The following RGS14 variants were observed in gnomAD, a reference collection of about 807,000 sequenced individuals.
RGS14 encodes regulator of G-protein signaling 14.
A neutral mutation model predicts 63.8 loss-of-function variants in RGS14; 33 were observed. That is an observed-to-expected ratio of 0.52 (90% CI 0.39 to 0.69). The LOEUF (loss-of-function observed/expected upper bound fraction) is 0.69. Among genes scored for constraint, RGS14 ranks in the 30% least tolerant of loss-of-function variants. RGS14 has a pLI of 0.00. For synonymous variants in RGS14, 296 were observed against 320.9 expected, an observed-to-expected ratio of 0.92 and a Z score of 0.83; for missense variants, 739 against 742.9, an observed-to-expected ratio of 0.99 and a Z score of 0.06.
Position 177,368,177 on chromosome 5 carries a change from G to A in RGS14, c.760G>A (p.Ala254Thr). ...FRRELGGTANAALRRESQGSL... is the reference protein window; with the variant it reads ...FRRELGGTANTALRRESQGSL... ...ACTAGAGCTGGGCGGGACTGCAAAC[G>A]CCGCCTTGCGCCGAGAGTCTCAGGG... Residue 254 changes from alanine (A) to threonine (T), a missense_variant, in exon 8 of 15, where the codon GCC (alanine) becomes ACC (threonine). Coordinates refer to ENST00000408923, the MANE Select transcript of RGS14 (RefSeq NM_006480.5). The A allele has an allele frequency of 6.2e-7, 1 of 1,613,574 alleles. No individual in the cohort carries two copies.
Position 177,371,006 on chromosome 5 carries a change from G to A in RGS14, c.1229G>A (p.Ser410Asn). Residue 410 changes from serine (S) to asparagine (N), a missense_variant, in exon 11 of 15, where the codon AGC (serine) becomes AAC (asparagine). Physicochemically the swap from Ser to Asn is conservative, Grantham distance 46 (BLOSUM62 1). Coordinates refer to ENST00000408923, the MANE Select transcript of RGS14 (RefSeq NM_006480.5). This position sits in a 1 kb window ranked among gnomAD's most constrained non-coding sequence, Gnocchi z 6.1. The part of the protein sequence containing the change: ...LQPILEKHGL[S>N]PLEVVLHRPG... The stretch of plus-strand genomic sequence containing the variant: ...CCCATTCTGGAGAAGCACGGCTTGA[G>A]CCCGCTAGAGGTGGTGCTGCACCGG... 1 of 1,599,538 alleles carries A rather than the reference G, an allele frequency of 6.3e-7. No individual in the cohort carries two copies. The highest frequency in any genetic ancestry group is 1.1e-5 in the South Asian group (1 of 90,614).
chr5:177,367,919 G>GT, intron 7 of RGS14, 94 bp downstream of exon 7: 1 of 1,445,140 alleles, frequency 6.9e-7, no homozygotes, highest in Non-Finnish European at 9.1e-7. Flanking sequence ...CCCACAGTCT[G>GT]TAAGTCTGTG....
At chr5:177,367,316 G>A (rs900251389) in intron 5 of RGS14, 98 bp from the exon 6 acceptor site, 1 of 1,446,708 alleles carries the variant, frequency 6.9e-7, no homozygotes, top group Non-Finnish European at 9.3e-7. Context: ...CCAGCCCTAG[G>A]TTTGGGGCGG....
intron 3 of RGS14, 89 bp downstream of exon 3, chr5:177,366,444 G>A: frequency 8.2e-7 from 1 of 1,212,340 alleles, no homozygotes; most frequent in Non-Finnish European, 1.1e-6. Flanking sequence ...GGGGTCCTCT[G>A]TCAGCTTCCT....
Position 177,367,806 on chromosome 5 carries a change from C to T in RGS14, c.720C>T (p.Leu240=), listed in dbSNP as rs895344013. The T allele has an allele frequency of 6.3e-7, 1 of 1,598,794 alleles. No homozygotes were observed. The highest frequency in any genetic ancestry group is 8.5e-7 in the Non-Finnish European group (1 of 1,172,104). ...PPVEGPGGRP[L]RKSFRRELGG... is the part of the protein sequence containing the mutation. ...TTGAGGGTCCTGGGGGCCGCCCTCTCCGCAAGTCCTTCCGCCGGGGTGAGG... is the reference window on the plus strand; with the variant it reads ...TTGAGGGTCCTGGGGGCCGCCCTCTTCGCAAGTCCTTCCGCCGGGGTGAGG... The change falls in exon 7 of 15, where the codon CTC becomes CTT. Residue 240 remains leucine, a synonymous_variant. Transcript: ENST00000408923.
chr5:177,368,076 G>A (rs753084926), intron 7 of RGS14, 81 bp from the exon 8 acceptor site: 2 of 1,553,354 alleles, frequency 1.3e-6, no homozygotes, highest in Admixed American at 1.8e-5. Flanking sequence ...TCCAAACAAG[G>A]CCCACCAGTG....
rs769742556 is a variant in RGS14 at position 177,372,210 on chromosome 5, C to T, written c.*135C>T. ...CCATGGGCAGGCCCGCAGGAAGAGC[C>T]GGTAGGGGTGGAAAGGGGACTCAGA... On this transcript the variant is annotated 3_prime_UTR_variant, in exon 15 of 15. Coordinates refer to ENST00000408923, the MANE Select transcript of RGS14 (RefSeq NM_006480.5). The T allele has an allele frequency of 2.9e-5, 25 of 876,072 alleles. No individual in the cohort carries two copies. Among genetic ancestry groups the T allele is most frequent in the African/African-American group, 8.4e-5 (5 of 59,348 alleles). The allele number at this position is 876,072 out of a possible 1,614,324, so 54.3% of individuals were successfully genotyped here. A position where few individuals can be genotyped will look rare whatever the true frequency, so the allele number is the denominator to read the frequency against.
intron 2 of RGS14, 37 bp from the exon 3 acceptor site, chr5:177,366,140 C>T (rs1361618296): frequency 6.2e-7 from 1 of 1,600,028 alleles, no homozygotes. Context: ...CTGGGGAAGG[C>T]AGCAAGGCTC....
Position 177,372,135 on chromosome 5 carries a change from TC to T in RGS14, c.*62del. On this transcript the variant is annotated 3_prime_UTR_variant, in exon 15 of 15. Transcript: ENST00000408923. ...CCCGGCGGGCCGAGCATGCCATGGG[TC>T]CGCTCTGCATGCCCTGTCTGTGCCA... The T allele has an allele frequency of 6.7e-7, 1 of 1,484,474 alleles. No individual in the cohort carries two copies. The highest frequency in any genetic ancestry group is 9.3e-7 in the Non-Finnish European group (1 of 1,075,010). The allele number at this position is 1,484,474 out of a possible 1,614,324, so 92.0% of individuals were successfully genotyped here. A position where few individuals can be genotyped will look rare whatever the true frequency, so the allele number is the denominator to read the frequency against.
Position 177,366,748 on chromosome 5 carries a change from TC to T in RGS14, c.288del (p.Trp97GlyfsTer18). 9 of 1,614,118 alleles carry T rather than the reference TC, an allele frequency of 5.6e-6. No homozygotes were observed. The highest frequency in any genetic ancestry group is 7.6e-6 in the Non-Finnish European group (9 of 1,180,012). ...GAGTTCAGCGCGGAAAACGTGACTTTCTGGAAGGCCTGCGAGCGCTTCCAGC... is the reference window on the plus strand; with the variant it reads ...GAGTTCAGCGCGGAAAACGTGACTTTTGGAAGGCCTGCGAGCGCTTCCAGC... Reference protein sequence around the residue: ...KKEFSAENVTFWKACERFQQI... With the variant: ...KKEFSAENVTXWKACERFQQI... On this transcript the variant is annotated frameshift_variant, in exon 4 of 15. Transcript: ENST00000408923. LOFTEE classifies it high-confidence loss of function.
chr5:177,370,952 C>T lies in RGS14; in HGVS notation c.1175C>T (p.Pro392Leu), dbSNP rs746670449. ...LERVVRISAK[P>L]TKRLQEALQP... is the part of the protein sequence containing the mutation. ...CGCGTGGTACGAATCTCAGCCAAGC[C>T]CACCAAGCGGCTGCAGGAGGCGCTG... is the stretch of plus-strand genomic sequence containing the variant. The change falls in exon 11 of 15, where the codon CCC becomes CTC. Residue 392 changes from proline to leucine, a missense_variant. Transcript: ENST00000408923. 6.2e-7 allele frequency: 1 copy of T among 1,608,350 alleles called. No homozygotes were observed. Among genetic ancestry groups the T allele is most frequent in the Non-Finnish European group, 8.5e-7 (1 of 1,179,692 alleles).
intron 10 of RGS14, 119 bp downstream of exon 10, chr5:177,370,783 C>T (rs1762221499): frequency 6.0e-6 from 9 of 1,502,180 alleles, no homozygotes; most frequent in South Asian, 6.0e-5. Flanking sequence ...GGGACAAACC[C>T]CGCCCCCTAC....
intron 1 of RGS14, among the ~76,000 whole-genome samples, chr5:177,361,055 G>A (rs1490867709): frequency 6.6e-6 from 1 of 152,214 alleles, no homozygotes; most frequent in Non-Finnish European, 1.5e-5. Context: ...GGGGCAGTTA[G>A]CCTGTCCTGT....
At position 177,364,401 on chromosome 5, in the gene RGS14, G is replaced by A. The variant is rs1049481558; in HGVS notation, c.46-1562G>A. ...GCTGGTTTGGTACTGTGTTTTGGTG[G>A]AGGCAGAGGGAGCTTCCATTTGGGA... On this transcript the variant is annotated intron_variant, in intron 1 of 14. Transcript: ENST00000408923. The surrounding 1 kb of genome is among the most constrained non-coding windows in gnomAD (Gnocchi z 4.6). Among the ~76,000 whole-genome samples, 4 of 152,170 alleles carry A rather than the reference G, an allele frequency of 2.6e-5. No homozygotes were observed. The highest frequency in any genetic ancestry group is 2.6e-4 in the Admixed American group (4 of 15,278).
At position 177,372,178 on chromosome 5, in the gene RGS14, C is replaced by T. The variant is rs2127339292; in HGVS notation, c.*103C>T. On this transcript the variant is annotated 3_prime_UTR_variant, in exon 15 of 15. Transcript: ENST00000408923. ...TCTGTGCCATGAGTGTCCCTGGCCC[C>T]TTCCTGCCATGGGCAGGCCCGCAGG... The T allele has an allele frequency of 2.5e-6, 3 of 1,203,672 alleles. No homozygotes were observed. Among genetic ancestry groups the T allele is most frequent in the Non-Finnish European group, 3.5e-6 (3 of 848,656 alleles). 74.6% of individuals were successfully genotyped at this position (1,203,672 alleles called of 1,614,324 possible).
At chr5:177,360,642 A>G (rs1243866560) in intron 1 of RGS14, among the ~76,000 whole-genome samples, 1 of 150,420 alleles carries the variant, frequency 6.6e-6, no homozygotes, top group Non-Finnish European at 1.5e-5. Context: ...AGGCAGGCAC[A>G]GTTGCTCACG....
intron 8 of RGS14, among the ~76,000 whole-genome samples, chr5:177,368,491 A>G (rs1762162865): frequency 6.6e-6 from 1 of 152,238 alleles, no homozygotes; most frequent in Admixed American, 6.5e-5. Context: ...TGCAGCACCC[A>G]GGTGTGTATA....
At position 177,372,388 on chromosome 5, in the gene RGS14, G is replaced by A; in HGVS notation, c.*313G>A. ...GGCGTTGGCAGTGCCAGCCTCCCCA[G>A]CCTGTGCCAAGCTTCAACAGGGGCA... On this transcript the variant is annotated 3_prime_UTR_variant, in exon 15 of 15. Transcript: ENST00000408923. 1 of 336,386 alleles carries A rather than the reference G, an allele frequency of 3.0e-6. No homozygotes were observed. The highest frequency in any genetic ancestry group is 8.2e-4 in the Middle Eastern group (1 of 1,218). 20.8% of individuals were successfully genotyped at this position (336,386 alleles called of 1,614,324 possible).
In RGS14 at chr5:177,366,297, G is replaced by T. The variant is rs1180955727; in HGVS notation, c.188G>T (p.Ser63Ile). 3 of 1,559,980 alleles carry T rather than the reference G, an allele frequency of 1.9e-6. No homozygotes were observed. The change falls in exon 3 of 15, where the codon AGC (serine) becomes ATC (isoleucine). Residue 63 changes from serine to isoleucine, a missense_variant. Physicochemically the swap from Ser to Ile is moderately radical, Grantham distance 142. Coordinates refer to ENST00000408923, the MANE Select transcript of RGS14 (RefSeq NM_006480.5). ...PFPTEEQPVASWALSFERLLQ... is the reference protein window; with the variant it reads ...PFPTEEQPVAIWALSFERLLQ... ...CCAACCGAGGAGCAGCCTGTGGCCA[G>T]CTGGGCCCTGTCCTTCGAGCGGCTG...
Sources: allele counts gnomAD v4.1 joint callset (sites outside exome capture counted in the v4.1 genomes callset), GRCh38; gene constraint gnomAD v4.1.1; non-coding constraint Gnocchi (gnomAD v3.1); transcripts MANE v1.5; gene names NCBI Gene and HGNC (gene_info 2026-07-23, HGNC 2026-07-21).